Variants in RBFOX1 observed in about 807,000 individuals in gnomAD.
The protein encoded by RBFOX1 is RNA binding fox-1 homolog 1, also known as RNA binding protein fox-1 homolog 1.
Under a neutral mutation model 57.7 loss-of-function variants are expected in RBFOX1, and 8 were observed. The observed-to-expected ratio is 0.14, with a 90% CI of 0.08 to 0.25. The LOEUF (loss-of-function observed/expected upper bound fraction) is 0.25. RBFOX1 is among the 10% of genes least tolerant of loss of function. The pLI, the probability that RBFOX1 is intolerant of heterozygous loss-of-function variation, is 1.00. For synonymous variants in RBFOX1, 326 were observed against 222.4 expected, an observed-to-expected ratio of 1.47 and a Z score of -4.15; for missense variants, 611 against 548.5, an observed-to-expected ratio of 1.11 and a Z score of -1.14.
At chr16:5,470,372 C>T (rs2069094307) in intron 2 of RBFOX1, among the ~76,000 whole-genome samples, 1 of 152,214 alleles carries the variant, frequency 6.6e-6, no homozygotes, top group African/African-American at 2.4e-5. Context: ...TTTCCCACTG[C>T]AGCCCCTTAA....
At chr16:7,141,604 G>A (rs538722186) in intron 4 of RBFOX1, among the ~76,000 whole-genome samples, 1 of 152,256 alleles carries the variant, frequency 6.6e-6, no homozygotes, top group South Asian at 2.1e-4. Flanking sequence ...ATGAAAGATT[G>A]CATGTTCATT....
intron 1 of RBFOX1, among the ~76,000 whole-genome samples, chr16:5,346,026 A>G (rs2065132055): frequency 6.6e-6 from 1 of 152,226 alleles, no homozygotes; most frequent in South Asian, 2.1e-4. Context: ...AATCCCTTTC[A>G]GTATCTGTGC....
At chr16:6,903,077 C>T (rs1177687245) in intron 3 of RBFOX1, among the ~76,000 whole-genome samples, 4 of 152,120 alleles carry the variant, frequency 2.6e-5, no homozygotes, top group African/African-American at 9.7e-5. Flanking sequence ...TTGGAGCAAC[C>T]TGACTCAGGA....
intron 13 of RBFOX1, among the ~76,000 whole-genome samples, chr16:7,668,677 C>CAT (rs2070304326): frequency 6.6e-6 from 1 of 151,930 alleles, no homozygotes; most frequent in African/African-American, 2.4e-5. Flanking sequence ...CACACACACA[C>CAT]ACACTTTTGT....
intron 11 of RBFOX1, among the ~76,000 whole-genome samples, chr16:7,633,553 G>A (rs1213923250): frequency 6.6e-6 from 1 of 151,868 alleles, no homozygotes; most frequent in East Asian, 1.9e-4. Context: ...CTTCAATAGA[G>A]CAGTTTTAAA....
At chr16:6,778,960 A>T (rs1406168749) in intron 3 of RBFOX1, among the ~76,000 whole-genome samples, 1 of 152,038 alleles carries the variant, frequency 6.6e-6, no homozygotes, top group Non-Finnish European at 1.5e-5. Context: ...TGATCAAATC[A>T]AGGTAATTGA....
intron 4 of RBFOX1, among the ~76,000 whole-genome samples, chr16:7,374,082 G>C (rs186180022): frequency 1.3e-5 from 2 of 152,144 alleles, no homozygotes; most frequent in South Asian, 2.1e-4. Context: ...CAGATACAGC[G>C]TGAGCTTTTC....
intron 1 of RBFOX1, among the ~76,000 whole-genome samples, chr16:5,311,940 C>A (rs970734049): frequency 6.6e-6 from 1 of 152,116 alleles, no homozygotes; most frequent in Non-Finnish European, 1.5e-5. Context: ...AATCTGTGGG[C>A]AAATCCATCC....
intron 3 of RBFOX1, among the ~76,000 whole-genome samples, chr16:5,681,985 C>T (rs377096707): frequency 6.6e-6 from 1 of 151,986 alleles, no homozygotes; most frequent in Non-Finnish European, 1.5e-5. Context: ...CACATCTCCC[C>T]CTTGTTGAAA....
intron 3 of RBFOX1, among the ~76,000 whole-genome samples, chr16:6,869,999 C>A (rs573820529): frequency 3.9e-5 from 6 of 152,142 alleles, no homozygotes; most frequent in Non-Finnish European, 8.8e-5. Context: ...ACATTTTCTA[C>A]GTTGATGCTG....
At chr16:6,618,797 C>T (rs887941848) in intron 2 of RBFOX1, among the ~76,000 whole-genome samples, 1 of 152,168 alleles carries the variant, frequency 6.6e-6, no homozygotes, top group Non-Finnish European at 1.5e-5. Flanking sequence ...TCCTTGGAGT[C>T]CGTCTGCGTG....
At chr16:5,820,032 T>C (rs892144381) in intron 3 of RBFOX1, among the ~76,000 whole-genome samples, 2 of 152,222 alleles carry the variant, frequency 1.3e-5, no homozygotes, top group African/African-American at 2.4e-5. Flanking sequence ...GATGTCTTTG[T>C]CTTCAGGTGA....
chr16:6,904,491 C>A (rs1443402543), intron 3 of RBFOX1, among the ~76,000 whole-genome samples: 1 of 150,840 alleles, frequency 6.6e-6, no homozygotes, highest in African/African-American at 2.4e-5. Context: ...ATCCCAGCTA[C>A]TCGGGAGGCC....
At chr16:7,693,112 C>T (rs1325275743) in intron 14 of RBFOX1, among the ~76,000 whole-genome samples, 8 of 152,122 alleles carry the variant, frequency 5.3e-5, no homozygotes, top group Non-Finnish European at 8.8e-5. Flanking sequence ...AGTTCGTATT[C>T]TGACATTACC....
intron 3 of RBFOX1, among the ~76,000 whole-genome samples, chr16:5,806,041 G>A (rs750286266): frequency 5.9e-5 from 9 of 152,096 alleles, no homozygotes; most frequent in Non-Finnish European, 1.2e-4. Context: ...CATTGGGAGT[G>A]AGGAAACAGC....
intron 4 of RBFOX1, among the ~76,000 whole-genome samples, chr16:7,081,979 T>A (rs917253273): frequency 2.6e-5 from 4 of 152,098 alleles, no homozygotes; most frequent in Non-Finnish European, 5.9e-5. Context: ...GCCACAGAGA[T>A]CACAACTGGA....
chr16:6,536,606 C>T (rs1318592578), intron 2 of RBFOX1, among the ~76,000 whole-genome samples: 2 of 151,364 alleles, frequency 1.3e-5, no homozygotes, highest in Non-Finnish European at 2.9e-5. Context: ...TGTGATAAGT[C>T]TAATTATAGT....
chr16:7,045,166 A>C (rs1046878711), intron 3 of RBFOX1, among the ~76,000 whole-genome samples: 1 of 152,162 alleles, frequency 6.6e-6, no homozygotes, highest in Non-Finnish European at 1.5e-5. Context: ...GGATTGACTC[A>C]AATTGGCCAG....
At chr16:6,884,453 G>A (rs1492376) in intron 3 of RBFOX1, among the ~76,000 whole-genome samples, 2 of 152,054 alleles carry the variant, frequency 1.3e-5, no homozygotes, top group African/African-American at 2.4e-5. Flanking sequence ...GGATCGTACT[G>A]TATTCTTATT....
Sources: gnomAD v4.1 joint callset for allele counts (sites outside exome capture counted in the v4.1 genomes callset) on GRCh38, gnomAD v4.1.1 for gene constraint, MANE v1.5 for transcripts, NCBI Gene and HGNC (gene_info 2026-07-23, HGNC 2026-07-21) for gene names.